LRRC37A: variants seen among roughly 807,000 people sequenced by gnomAD.
The protein encoded by LRRC37A is leucine rich repeat containing 37A.
In LRRC37A, 3 loss-of-function variants were observed where a neutral mutation model predicts 35.4. The ratio of observed to expected loss-of-function variants is 0.08; its 90% CI spans 0.04 to 0.22. The LOEUF is 0.22. Among genes scored for constraint, LRRC37A ranks in the 10% least tolerant of loss-of-function variants. The probability of loss-of-function intolerance (pLI) is 1.00; values close to 1 mark genes in which losing one functional copy is unlikely to be tolerated. For missense variants in LRRC37A, 67 were observed against 565.3 expected, an observed-to-expected ratio of 0.12 and a Z score of 8.94; for synonymous variants, 23 against 215.0, an observed-to-expected ratio of 0.11 and a Z score of 7.81.
chr17:46,266,887 G>A, the LRRC37A span: 1 of 331,872 alleles, frequency 3.0e-6, no homozygotes, highest in Non-Finnish European at 5.3e-6. Flanking sequence ...AGGAAGCCCC[G>A]AGACGCGCGC....
intron 7 of LRRC37A, among the ~76,000 whole-genome samples, chr17:46,323,705 T>C (rs376270858): frequency 5.8e-5 from 6 of 103,576 alleles, no homozygotes; most frequent in South Asian, 4.9e-4. Flanking sequence ...CCTCACTCAG[T>C]AGAATTTTTT....
chr17:46,254,593 G>C, the LRRC37A span, among the ~76,000 whole-genome samples: 1 of 151,492 alleles, frequency 6.6e-6, no homozygotes, highest in Admixed American at 6.6e-5. Flanking sequence ...CCAGGCTAGA[G>C]TGCAGTGGCG....
At chr17:46,270,983 A>G in the LRRC37A span, among the ~76,000 whole-genome samples, 4 of 152,326 alleles carry the variant, frequency 2.6e-5, no homozygotes, top group South Asian at 8.3e-4. Context: ...TAATCTTCTA[A>G]GAAAAGTCTT....
the LRRC37A span, chr17:46,274,672 T>A: frequency 2.6e-5 from 4 of 152,622 alleles, no homozygotes; most frequent in Non-Finnish European, 5.9e-5. Flanking sequence ...ATAAATACAG[T>A]CAAAAGTTTT....
In LRRC37A at chr17:46,315,926, T is replaced by C. The variant is rs563832352; in HGVS notation, c.2907-6396T>C. Among the ~76,000 whole-genome samples the C allele has an allele frequency of 5.6e-5, 4 of 71,762 alleles. 1 individual carries two copies. The highest frequency in any genetic ancestry group is 7.9e-5 in the Non-Finnish European group (2 of 25,368). 47.1% of individuals were successfully genotyped at this position (71,762 alleles called of 152,430 possible). ...ATTATGTAAGTATCTTTTTCTTTTTTTTTTTTCTTTATTTTGGGACAGAGT... is the reference window on the plus strand; with the variant it reads ...ATTATGTAAGTATCTTTTTCTTTTTCTTTTTTCTTTATTTTGGGACAGAGT... On this transcript the variant is annotated intron_variant, in intron 5 of 13. Transcript: ENST00000320254.
intron 5 of LRRC37A, among the ~76,000 whole-genome samples, chr17:46,321,262 A>G: frequency 1.3e-5 from 1 of 74,080 alleles, no homozygotes; most frequent in Non-Finnish European, 2.2e-5. Flanking sequence ...AGGCTAAGGC[A>G]GGAGAATTGC....
At position 46,309,081 on chromosome 17, in the gene LRRC37A, C is replaced by A. The variant is rs1316160208; in HGVS notation, c.2906+2772C>A. Among the ~76,000 whole-genome samples the A allele has an allele frequency of 6.3e-5, 5 of 78,942 alleles. 1 individual carries two copies. Among genetic ancestry groups the A allele is most frequent in the African/African-American group, 1.6e-4 (5 of 30,620 alleles). 51.8% of individuals were successfully genotyped at this position (78,942 alleles called of 152,430 possible). On this transcript the variant is annotated intron_variant, in intron 5 of 13. Coordinates refer to ENST00000320254, the Ensembl canonical transcript of LRRC37A. The stretch of plus-strand genomic sequence containing the variant: ...AAGTTAGCAGGGTTAAAAGGTCTGT[C>A]TATTTTGAATCTGAAATCCATCTCA...
At chr17:46,276,790 C>CTTTTCTTTTTTTTT in the LRRC37A span, among the ~76,000 whole-genome samples, 20 of 134,232 alleles carry the variant, frequency 1.5e-4, no homozygotes, top group Non-Finnish European at 2.6e-4. Flanking sequence ...TTCTTTTTTT[C>CTTTTCTTTTTTTTT]TTTTTTTTTT....
the LRRC37A span, among the ~76,000 whole-genome samples, chr17:46,253,341 C>A: frequency 6.6e-6 from 1 of 151,602 alleles, no homozygotes; most frequent in Non-Finnish European, 1.5e-5. Context: ...ACTTCCCAGA[C>A]GGGGTGGCGG....
chr17:46,257,815 C>T, the LRRC37A span, among the ~76,000 whole-genome samples: 1 of 52,854 alleles, frequency 1.9e-5, no homozygotes. Flanking sequence ...GAGTGAGGCC[C>T]ATGTCAAAAA....
the LRRC37A span, among the ~76,000 whole-genome samples, chr17:46,258,018 A>G: frequency 6.6e-6 from 1 of 152,168 alleles, no homozygotes; most frequent in East Asian, 1.9e-4. Flanking sequence ...ATATGCATTC[A>G]AGGTCACTCA....
chr17:46,263,935 G>A, the LRRC37A span, among the ~76,000 whole-genome samples: 1 of 151,714 alleles, frequency 6.6e-6, no homozygotes, highest in African/African-American at 2.4e-5. Context: ...GACCTCAAGT[G>A]ATCTGCCCGC....
At chr17:46,279,691 T>C in the LRRC37A span, among the ~76,000 whole-genome samples, 1 of 152,006 alleles carries the variant, frequency 6.6e-6, no homozygotes, top group African/African-American at 2.4e-5. Context: ...AGATGGGGTT[T>C]CCTCATGTTG....
upstream of LRRC37A, among the ~76,000 whole-genome samples, chr17:46,289,684 A>G (rs2050013755): frequency 6.6e-6 from 1 of 152,240 alleles, no homozygotes; most frequent in African/African-American, 2.4e-5. Context: ...TTTAAATACC[A>G]AAAATATTCC....
the LRRC37A span, among the ~76,000 whole-genome samples, chr17:46,258,201 CATT>C: frequency 2.0e-5 from 3 of 151,252 alleles, no homozygotes; most frequent in Non-Finnish European, 4.4e-5. Flanking sequence ...CTTTCTAAGT[CATT>C]ATATGAAAGA....
At chr17:46,253,044 G>T in the LRRC37A span, among the ~76,000 whole-genome samples, 1 of 117,256 alleles carries the variant, frequency 8.5e-6, no homozygotes, top group African/African-American at 2.6e-5. Context: ...GGCGGTTGCC[G>T]GGCGGAGGGG....
At chr17:46,260,618 C>CCCT in the LRRC37A span, 1 of 1,181,918 alleles carries the variant, frequency 8.5e-7, no homozygotes, top group Non-Finnish European at 1.1e-6. Context: ...GCTCTCTATT[C>CCCT]TCTTTTTTTT....
chr17:46,293,825 A>C, upstream of LRRC37A: 2 of 316,424 alleles, frequency 6.3e-6, 1 homozygote, highest in Non-Finnish European at 8.7e-6. Flanking sequence ...CATTTCAGAA[A>C]TCTGATTATA....
chr17:46,264,146 C>CTTTTTTTT, the LRRC37A span, among the ~76,000 whole-genome samples: 53 of 138,770 alleles, frequency 3.8e-4, no homozygotes, highest in Non-Finnish European at 5.7e-4. Flanking sequence ...CCTCAGCTGA[C>CTTTTTTTT]TTTTTTTTTT....
Sources: allele counts gnomAD v4.1 joint callset (sites outside exome capture counted in the v4.1 genomes callset), GRCh38; gene constraint gnomAD v4.1.1; transcripts MANE v1.5; gene names NCBI Gene and HGNC (gene_info 2026-07-23, HGNC 2026-07-21).